Variants in CENPI observed in about 807,000 individuals in gnomAD.
CENPI encodes FSH primary response 1.
A neutral mutation model predicts 60.4 loss-of-function variants in CENPI; 4 were observed. The ratio of observed to expected loss-of-function variants is 0.07; its 90% CI spans 0.03 to 0.15. CENPI has a LOEUF of 0.15. Ranked by LOEUF, CENPI falls within the 10% of genes least tolerant of loss-of-function variation. The pLI is 1.00. For synonymous variants in CENPI, 157 were observed against 189.4 expected (o/e 0.83, Z 1.40); for missense variants, 444 against 534.5 (o/e 0.83, Z 1.67).
chrX:101,175,539 C>T, the CENPI span, among the ~76,000 whole-genome samples: 6 of 112,169 alleles, frequency 5.3e-5, no homozygotes, highest in East Asian at 2.8e-4. Flanking sequence ...ACTTCAAATA[C>T]TATTCCCCTT....
intron 5 of CENPI, 126 bp from the exon 6 acceptor site, chrX:101,109,765 A>G (rs1043901344): frequency 1.9e-5 from 11 of 578,420 alleles, no homozygotes; most frequent in Non-Finnish European, 3.1e-5. Context: ...GAGAAATAAA[A>G]TCTATTATTC....
chrX:101,161,983 C>A (rs1261857447), intron 21 of CENPI, among the ~76,000 whole-genome samples: 1 of 109,714 alleles, frequency 9.1e-6, no homozygotes, highest in African/African-American at 3.3e-5. Context: ...CTCTGTCCCC[C>A]AGGCTGGAGT....
intron 16 of CENPI, among the ~76,000 whole-genome samples, chrX:101,141,643 C>T (rs1485242690): frequency 9.0e-6 from 1 of 111,602 alleles, no homozygotes; most frequent in African/African-American, 3.3e-5. Flanking sequence ...TGCGCCTGGC[C>T]AAGAACCACT....
At chrX:101,116,432 T>C (rs915089823) in intron 6 of CENPI, among the ~76,000 whole-genome samples, 20 of 111,293 alleles carry the variant, frequency 1.8e-4, no homozygotes, top group African/African-American at 6.5e-4. Flanking sequence ...AGGATGTGCA[T>C]AGATTATATG....
intron 6 of CENPI, among the ~76,000 whole-genome samples, chrX:101,116,655 T>C (rs893260116): frequency 3.6e-5 from 4 of 111,841 alleles, no homozygotes; most frequent in African/African-American, 1.3e-4. Flanking sequence ...TATATAAATA[T>C]CTGTTCAGGT....
intron 20 of CENPI, among the ~76,000 whole-genome samples, chrX:101,150,660 G>A (rs1196682483): frequency 9.1e-6 from 1 of 110,368 alleles, no homozygotes; most frequent in Non-Finnish European, 1.9e-5. Context: ...GTGCGCCACT[G>A]TGCCTGGCTA....
chrX:101,113,660 G>T (rs375231619), intron 6 of CENPI, among the ~76,000 whole-genome samples: 1 of 111,881 alleles, frequency 8.9e-6, no homozygotes, highest in African/African-American at 3.2e-5. Flanking sequence ...ATATCTCCCA[G>T]TATCTTTGCT....
intron 15 of CENPI, among the ~76,000 whole-genome samples, chrX:101,140,053 G>A (rs758503709): frequency 3.6e-5 from 4 of 110,952 alleles, no homozygotes; most frequent in African/African-American, 9.8e-5. Context: ...AGCCAGGATG[G>A]TCTCGATCTG....
chrX:101,156,175 G>C (rs912748259), intron 20 of CENPI, among the ~76,000 whole-genome samples: 1 of 110,826 alleles, frequency 9.0e-6, no homozygotes, highest in Non-Finnish European at 1.9e-5. Flanking sequence ...ACCACACCCA[G>C]CTAATTTTTG....
At position 101,164,490 on chromosome X, in the gene CENPI, C is replaced by T. The variant is rs2090135818; in HGVS notation, c.*1523C>T. The stretch of plus-strand genomic sequence containing the variant: ...GGGATTACAGGCACCTACCACCACG[C>T]CCAGCCAATTTTTGTATTTTTAGTA... On this transcript the variant is annotated 3_prime_UTR_variant, in exon 22 of 22. Coordinates refer to ENST00000682095, the MANE Select transcript of CENPI (RefSeq NM_001386188.2). 9.0e-6 allele frequency among the ~76,000 whole-genome samples: 1 copy of T among 111,051 alleles called. No individual in the cohort carries two copies. Among genetic ancestry groups the T allele is most frequent in the South Asian group, 3.9e-4 (1 of 2,560 alleles).
At chrX:101,128,628 C>G in intron 11 of CENPI, 88 bp from the exon 12 acceptor site, 1 of 998,505 alleles carries the variant, frequency 1.0e-6, no homozygotes, top group East Asian at 3.1e-5. Flanking sequence ...CCATGCCCAG[C>G]CTATTTTTGT....
chrX:101,145,876 A>G (rs1239422983), intron 17 of CENPI, among the ~76,000 whole-genome samples: 2 of 109,926 alleles, frequency 1.8e-5, no homozygotes, highest in African/African-American at 3.3e-5. Flanking sequence ...ATAAAGAAAT[A>G]CTTCCTTAAT....
In CENPI at chrX:101,101,112, C is replaced by T. The variant is rs769077146; in HGVS notation, c.42C>T (p.Asn14=). ...QKRVKNVQAQ[N]RTSQGSSSFQ... is the part of the protein sequence containing the mutation. Reference sequence around the variant, plus strand: ...GAGTTAAGAACGTCCAGGCACAAAACAGGACTTCACAAGGTAGTAGTAGTT... The same window carrying T: ...GAGTTAAGAACGTCCAGGCACAAAATAGGACTTCACAAGGTAGTAGTAGTT... Residue 14 remains asparagine (N), a synonymous_variant, in exon 3 of 22, where the codon AAC becomes AAT. Coordinates refer to ENST00000682095, the MANE Select transcript of CENPI (RefSeq NM_001386188.2). 8.3e-7 allele frequency: 1 copy of T among 1,211,237 alleles called. No individual in the cohort carries two copies. The highest frequency in any genetic ancestry group is 1.1e-6 in the Non-Finnish European group (1 of 895,154).
intron 4 of CENPI, among the ~76,000 whole-genome samples, chrX:101,104,510 C>A (rs2089460662): frequency 1.8e-5 from 2 of 111,264 alleles, no homozygotes; most frequent in Non-Finnish European, 3.8e-5. Flanking sequence ...TTAAAGATGT[C>A]CAAACTCCCA....
intron 20 of CENPI, among the ~76,000 whole-genome samples, chrX:101,158,905 A>G (rs1175806702): frequency 8.9e-6 from 1 of 111,871 alleles, no homozygotes; most frequent in East Asian, 2.8e-4. Flanking sequence ...TGCTGGGATT[A>G]TAGGCATGAG....
rs898857514 is a variant in CENPI, at chrX:101,156,583, A to G, written c.2095-4945A>G. On this transcript the variant is annotated intron_variant, in intron 20 of 21. Transcript: ENST00000682095. ...AAGTTCTTTGGTGGTGATTTGTGAG[A>G]TTTTGGTGCACCCATCACCCGAGCA... 2.8e-5 allele frequency among the ~76,000 whole-genome samples: 3 copies of G among 108,812 alleles called. No homozygotes were observed. The Admixed American group carries it at 3.0e-4, about 11-fold the overall frequency. 94.5% of individuals were successfully genotyped at this position (108,812 alleles called of 115,157 possible). A position where few individuals can be genotyped will look rare whatever the true frequency, so the allele number is the denominator to read the frequency against.
the CENPI span, among the ~76,000 whole-genome samples, chrX:101,174,108 G>T: frequency 8.9e-6 from 1 of 112,272 alleles, no homozygotes; most frequent in South Asian, 3.7e-4. Flanking sequence ...ATGTTAGTGA[G>T]ACTGCGGAGA....
intron 4 of CENPI, among the ~76,000 whole-genome samples, chrX:101,105,123 G>A (rs190627970): frequency 6.6e-4 from 74 of 111,576 alleles, no homozygotes; most frequent in Admixed American, 2.0e-3. Context: ...CTTTTTTCTT[G>A]TAGATGGTTT....
chrX:101,115,774 A>G (rs1236014736), intron 6 of CENPI, among the ~76,000 whole-genome samples: 2 of 111,478 alleles, frequency 1.8e-5, no homozygotes, highest in Non-Finnish European at 3.8e-5. Context: ...CATTACCCTA[A>G]ACTGAAATTT....
Sources: allele counts gnomAD v4.1 joint callset (sites outside exome capture counted in the v4.1 genomes callset), GRCh38; gene constraint gnomAD v4.1.1; transcripts MANE v1.5; gene names NCBI Gene and HGNC (gene_info 2026-07-23, HGNC 2026-07-21).